The following SASH1 variants were observed in gnomAD, a reference collection of about 807,000 sequenced individuals.
The protein encoded by SASH1 is SAM and SH3 domain-containing protein 1.
SASH1 carries 44 observed loss-of-function variants against 125.2 expected under a neutral mutation model. The ratio of observed to expected loss-of-function variants is 0.35; its 90% confidence interval spans 0.28 to 0.45. The LOEUF is 0.45. Among genes scored for constraint, SASH1 ranks in the 20% least tolerant of loss-of-function variants. SASH1 has a pLI of 1.00. For missense variants in SASH1, 1,426 were observed against 1,614.5 expected, an observed-to-expected ratio of 0.88 and a Z score of 2.00; for synonymous variants, 639 against 649.1, an observed-to-expected ratio of 0.98 and a Z score of 0.24.
intron 1 of SASH1, among the ~76,000 whole-genome samples, chr6:148,294,587 GTTCTATTTATTATT>G (rs1277890386): frequency 1.3e-5 from 2 of 152,136 alleles, no homozygotes; most frequent in East Asian, 3.8e-4. Context: ...AGTTGCTACT[GTTCTATTTATTATT>G]TTTCCTACAC....
At chr6:148,341,317 GT>G (rs1179914037), upstream of SASH1, among the ~76,000 whole-genome samples, 34 of 120,184 alleles carry the variant, frequency 2.8e-4, no homozygotes, top group South Asian at 8.2e-4. Context: ...GCTATGTTTT[GT>G]TTTTTTTTTT....
At chr6:148,379,789 A>G (rs1783059252) in intron 1 of SASH1, 1 of 393,336 alleles carries the variant, frequency 2.5e-6, no homozygotes, top group Non-Finnish European at 5.2e-6. Flanking sequence ...CAAATAAGTC[A>G]CCTTTTAAAA....
the SASH1 span, among the ~76,000 whole-genome samples, chr6:148,221,676 T>A: frequency 0.24 from 36,271 of 152,200 alleles, 4,610 homozygotes; most frequent in African/African-American, 0.31. Context: ...GGGGTGATAT[T>A]GCTTTGGCTA....
chr6:148,417,524 G>A (rs1426106915), intron 2 of SASH1, among the ~76,000 whole-genome samples: 1 of 152,118 alleles, frequency 6.6e-6, no homozygotes, highest in African/African-American at 2.4e-5. Flanking sequence ...GGCAGAGGTT[G>A]CAGTGAGCCA....
Position 148,290,837 on chromosome 6 carries a change from C to T in SASH1, n.74+18460C>T, listed in dbSNP as rs1214009104. ...TTGTCCTATGACCCTGCCAAATCCCCCTCTCCGAGAAACACCCAAGAATGA... is the reference window on the plus strand; with the variant it reads ...TTGTCCTATGACCCTGCCAAATCCCTCTCTCCGAGAAACACCCAAGAATGA... On this transcript the variant is annotated intron_variant and non_coding_transcript_variant, in intron 1 of 3. Coordinates refer to the SASH1 transcript ENST00000367469. Among the ~76,000 whole-genome samples the T allele has an allele frequency of 2.0e-5, 3 of 148,798 alleles. No individual in the cohort carries two copies. The Admixed American group carries it at 2.0e-4, about 10-fold the overall frequency.
intron 8 of SASH1, among the ~76,000 whole-genome samples, chr6:148,497,929 G>A (rs775073770): frequency 2.0e-5 from 3 of 152,156 alleles, no homozygotes; most frequent in Non-Finnish European, 4.4e-5. Context: ...CTCATGGAGT[G>A]TGTGGGTGTG....
intron 10 of SASH1, among the ~76,000 whole-genome samples, chr6:148,524,213 G>A (rs1030157612): frequency 3.1e-4 from 42 of 136,550 alleles, no homozygotes; most frequent in Admixed American, 2.6e-3. Context: ...GCAAAACTGC[G>A]ATTACTTTTG....
At chr6:148,423,333 G>T (rs1775658681) in intron 2 of SASH1, among the ~76,000 whole-genome samples, 3 of 152,226 alleles carry the variant, frequency 2.0e-5, no homozygotes, top group African/African-American at 7.2e-5. Flanking sequence ...ATTTCAGAAT[G>T]TATTGGCTTG....
intron 1 of SASH1, among the ~76,000 whole-genome samples, chr6:148,380,323 A>G (rs73788541): frequency 0.026 from 3,965 of 152,354 alleles, 158 homozygotes; most frequent in African/African-American, 0.089. Context: ...CCATAGTACT[A>G]GAAATTTCAG....
intron 2 of SASH1, among the ~76,000 whole-genome samples, chr6:148,393,340 G>A (rs963398772): frequency 8.6e-5 from 13 of 151,784 alleles, no homozygotes; most frequent in South Asian, 4.2e-4. Context: ...GATTACAGGC[G>A]TAAGCCACCG....
At chr6:148,241,491 T>C in the SASH1 span, among the ~76,000 whole-genome samples, 1 of 152,198 alleles carries the variant, frequency 6.6e-6, no homozygotes, top group Admixed American at 6.5e-5. Context: ...CTCTTGCTTT[T>C]AAAACTTGAG....
chr6:148,472,674 AAGGGAACTTG>A (rs771758141), intron 6 of SASH1, among the ~76,000 whole-genome samples: 13 of 151,194 alleles, frequency 8.6e-5, no homozygotes, highest in South Asian at 2.1e-4. Context: ...GCAAGTAGCA[AAGGGAACTTG>A]AGGGAACTTG....
intron 4 of SASH1, among the ~76,000 whole-genome samples, chr6:148,465,429 G>A (rs1425660021): frequency 6.6e-6 from 1 of 151,914 alleles, no homozygotes; most frequent in African/African-American, 2.4e-5. Context: ...TCATATGCCT[G>A]TAGTCCCAGG....
At chr6:148,434,927 A>G (rs926938360) in intron 2 of SASH1, among the ~76,000 whole-genome samples, 3 of 152,294 alleles carry the variant, frequency 2.0e-5, no homozygotes, top group African/African-American at 7.2e-5. Flanking sequence ...GGATGTAGCC[A>G]GGTGCAGGGG....
At chr6:148,422,298 G>A (rs930272467) in intron 2 of SASH1, among the ~76,000 whole-genome samples, 1 of 152,248 alleles carries the variant, frequency 6.6e-6, no homozygotes, top group African/African-American at 2.4e-5. Flanking sequence ...TGGATAAACA[G>A]TACTCCACCT....
chr6:148,443,982 G>C (rs1776669002), intron 4 of SASH1, among the ~76,000 whole-genome samples: 1 of 152,140 alleles, frequency 6.6e-6, no homozygotes, highest in Non-Finnish European at 1.5e-5. Flanking sequence ...GCGTCAGAGT[G>C]GTGTTCTGTG....
chr6:148,376,397 C>G (rs925105738), intron 1 of SASH1, among the ~76,000 whole-genome samples: 1 of 152,022 alleles, frequency 6.6e-6, no homozygotes, highest in African/African-American at 2.4e-5. Flanking sequence ...AAGACACTAT[C>G]CAACTGGTGT....
the SASH1 span, among the ~76,000 whole-genome samples, chr6:148,252,925 T>C: frequency 6.6e-6 from 1 of 152,160 alleles, no homozygotes; most frequent in Non-Finnish European, 1.5e-5. Context: ...ATTCACAAGA[T>C]CCAGCTCTAG....
rs778282962 is a variant in SASH1, at chr6:148,519,503, A to G, written c.863-44A>G. 8 of 1,437,296 alleles carry G rather than the reference A, an allele frequency of 5.6e-6. No homozygotes were observed. Among genetic ancestry groups the G allele is most frequent in the Non-Finnish European group, 7.8e-6 (8 of 1,031,036 alleles). The allele number at this position is 1,437,296 out of a possible 1,614,324, so 89.0% of individuals were successfully genotyped here. ...AATGTAAAGAAAGATGTATGCAAGA[A>G]TGCAAAGGTGTGTTCACAAGAGACT... On this transcript the variant is annotated intron_variant, in intron 9 of 19. Transcript: ENST00000367467. The surrounding 1 kb of genome is among the most constrained non-coding windows in gnomAD (Gnocchi z 4.8).
Sources: allele counts gnomAD v4.1 joint callset (sites outside exome capture counted in the v4.1 genomes callset), GRCh38; gene constraint gnomAD v4.1.1; non-coding constraint Gnocchi (gnomAD v3.1); transcripts MANE v1.5; gene names NCBI Gene and HGNC (gene_info 2026-07-23, HGNC 2026-07-21).